CACTIN: variants seen among roughly 807,000 people sequenced by gnomAD.
The protein encoded by CACTIN is splicing factor Cactin.
CACTIN carries 20 observed loss-of-function variants against 84.9 expected under a neutral mutation model. That is an observed-to-expected ratio of 0.24 (90% CI 0.17 to 0.34). The LOEUF (loss-of-function observed/expected upper bound fraction) is 0.34, where lower values mean the gene tolerates loss of function less well. Ranked by LOEUF, CACTIN falls within the 10% of genes least tolerant of loss-of-function variation. The pLI is 1.00. For missense variants in CACTIN, 897 were observed against 1,117.2 expected (o/e 0.80, Z 2.81); for synonymous variants, 549 against 467.9 (o/e 1.17, Z -2.24).
At position 3,623,772 on chromosome 19, in the gene CACTIN, G is replaced by A. The variant is rs1350167410; in HGVS notation, c.558C>T (p.Gly186=). 6.2e-7 allele frequency: 1 copy of A among 1,613,906 alleles called. No homozygotes were observed. The highest frequency in any genetic ancestry group is 1.7e-5 in the Admixed American group (1 of 60,010). ...AKERKKREKM[G]WGEEYMGYTN... is the part of the protein sequence containing the mutation. The stretch of plus-strand genomic sequence containing the variant: ...TGTAGCCCATGTACTCCTCACCCCA[G>A]CCCATCTTCTCCCGCTTCTTGCGCT... Residue 186 remains glycine (G), a synonymous_variant, in exon 2 of 10, where the codon GGC becomes GGT. Coordinates refer to ENST00000429344, the MANE Select transcript of CACTIN (RefSeq NM_001080543.2).
Position 3,623,944 on chromosome 19 carries a change from G to A in CACTIN, c.386C>T (p.Ala129Val), listed in dbSNP as rs201370100. Residue 129 changes from alanine (A) to valine (V), a missense_variant, in exon 2 of 10, where the codon GCG (alanine) becomes GTG (valine). This residue lies in a region of CACTIN where 261 missense variants were observed against 243.8 expected (regional missense o/e 1.07). Coordinates refer to ENST00000429344, the MANE Select transcript of CACTIN (RefSeq NM_001080543.2). ...CTGCTGGCTCAGGGCAGCCGCGGCCGCCCGGGGGCTCTGGGATCGCCCTGG... is the reference window on the plus strand; with the variant it reads ...CTGCTGGCTCAGGGCAGCCGCGGCCACCCGGGGGCTCTGGGATCGCCCTGG... ...ASPGRSQSPRAAAAALSQQQS... is the reference protein window; with the variant it reads ...ASPGRSQSPRVAAAALSQQQS... The A allele has an allele frequency of 1.3e-5, 21 of 1,602,976 alleles. No homozygotes were observed. Among genetic ancestry groups the A allele is most frequent in the Admixed American group, 6.7e-5 (4 of 59,716 alleles).
At chr19:3,621,740 CCAGGAAGGGGT>C (rs1477538071) in intron 2 of CACTIN, among the ~76,000 whole-genome samples, 1 of 152,172 alleles carries the variant, frequency 6.6e-6, no homozygotes. Flanking sequence ...GAGCAAGGGG[CCAGGAAGGGGT>C]CTCTCAAGAG....
At chr19:3,616,349 G>C (rs1000597800) in intron 6 of CACTIN, 1 of 152,222 alleles carries the variant, frequency 6.6e-6, no homozygotes, top group Non-Finnish European at 1.5e-5. Flanking sequence ...GATGGCTCAC[G>C]CCTGTAATCC....
At chr19:3,626,322 C>CGATAT (rs1259950206) in intron 1 of CACTIN, among the ~76,000 whole-genome samples, 2 of 152,222 alleles carry the variant, frequency 1.3e-5, no homozygotes, top group Non-Finnish European at 2.9e-5. Context: ...ACACAGGGCT[C>CGATAT]GATATGATAT....
chr19:3,612,611 G>GTCTTCAT (rs763899563), intron 9 of CACTIN, among the ~76,000 whole-genome samples, 198 bp from the exon 10 acceptor site: 232 of 152,336 alleles, frequency 1.5e-3, no homozygotes, highest in Admixed American at 2.6e-3. Flanking sequence ...CCGGACCTTG[G>GTCTTCAT]TCTTCATGTC....
In CACTIN at chr19:3,610,653, A is replaced by C. The variant is rs1199701575; in HGVS notation, c.*1270T>G. 2.2e-6 allele frequency: 1 copy of C among 451,538 alleles called. No individual in the cohort carries two copies. Among genetic ancestry groups the C allele is most frequent in the Non-Finnish European group, 4.4e-6 (1 of 225,328 alleles). The allele number at this position is 451,538 out of a possible 1,614,324, so 28.0% of individuals were successfully genotyped here. On this transcript the variant is annotated 3_prime_UTR_variant, in exon 10 of 10. Transcript: ENST00000429344. Reference sequence around the variant, plus strand: ...TTTCTGCAAACCTAAGATTATTCTAAAATACAACGTTTATTAAAAAAACAT... The same window carrying C: ...TTTCTGCAAACCTAAGATTATTCTACAATACAACGTTTATTAAAAAAACAT...
intron 1 of CACTIN, among the ~76,000 whole-genome samples, chr19:3,626,176 C>T (rs766078977): frequency 1.3e-5 from 2 of 152,116 alleles, no homozygotes; most frequent in South Asian, 4.1e-4. Context: ...CTCCTGCCTA[C>T]CCCGCTCCAT....
In CACTIN at chr19:3,620,482, G is replaced by A. The variant is rs571005586; in HGVS notation, c.739-210C>T. Reference sequence around the variant, plus strand: ...AGCTCAGATCAGCTGGGGCCCTCTCGGCCACCCTGAAGGGAGCATGTGGGA... The same window carrying A: ...AGCTCAGATCAGCTGGGGCCCTCTCAGCCACCCTGAAGGGAGCATGTGGGA... On this transcript the variant is annotated intron_variant, in intron 3 of 9. Coordinates refer to ENST00000429344, the MANE Select transcript of CACTIN (RefSeq NM_001080543.2). 4.2e-5 allele frequency: 30 copies of A among 713,402 alleles called. 1 individual carries two copies. Among genetic ancestry groups the A allele is most frequent in the South Asian group, 3.5e-4 (22 of 62,298 alleles). The allele number at this position is 713,402 out of a possible 1,614,324, so 44.2% of individuals were successfully genotyped here.
rs1348851903 is a variant in CACTIN, at chr19:3,611,791, A to G, written c.*132T>C. The G allele has an allele frequency of 1.7e-6, 2 of 1,171,976 alleles. No individual in the cohort carries two copies. Among genetic ancestry groups the G allele is most frequent in the Admixed American group, 4.0e-5 (2 of 50,436 alleles). The allele number at this position is 1,171,976 out of a possible 1,614,324, so 72.6% of individuals were successfully genotyped here. On this transcript the variant is annotated 3_prime_UTR_variant, in exon 10 of 10. Coordinates refer to ENST00000429344, the MANE Select transcript of CACTIN (RefSeq NM_001080543.2). Reference sequence around the variant, plus strand: ...GAGGAAACTGAGGCCTGGCGAAAGAAAGATGCGGCCTGAGGTGGGACGTGA... The same window carrying G: ...GAGGAAACTGAGGCCTGGCGAAAGAGAGATGCGGCCTGAGGTGGGACGTGA...
chr19:3,614,783 C>T (rs890470642), intron 6 of CACTIN, 194 bp from the exon 7 acceptor site: 23 of 607,908 alleles, frequency 3.8e-5, no homozygotes, highest in South Asian at 2.9e-4. Flanking sequence ...AGGGGGTGGG[C>T]GGAGGTTGGG....
chr19:3,625,456 G>A (rs893106978), intron 1 of CACTIN, among the ~76,000 whole-genome samples: 2 of 152,188 alleles, frequency 1.3e-5, no homozygotes, highest in African/African-American at 4.8e-5. Context: ...ATGGGCAGGC[G>A]CGGTGGCTCA....
intron 1 of CACTIN, among the ~76,000 whole-genome samples, 171 bp downstream of exon 1, chr19:3,626,425 C>A (rs543909697): frequency 2.8e-4 from 43 of 152,382 alleles, no homozygotes; most frequent in African/African-American, 1.0e-3. Flanking sequence ...ACGCCTCTCG[C>A]CTTCCTTCCG....
chr19:3,623,149 C>T (rs28595894), intron 2 of CACTIN, among the ~76,000 whole-genome samples: 2,877 of 152,162 alleles, frequency 0.019, 48 homozygotes, highest in African/African-American at 0.043. Context: ...GTAGGAGGAT[C>T]GCTTGAGGCC....
chr19:3,612,181 C>A lies in CACTIN; in HGVS notation c.2019G>T (p.Val673=). The change falls in exon 10 of 10, where the codon GTG becomes GTT. Residue 673 remains valine (V), a synonymous_variant. Transcript: ENST00000429344. ...YDFDNPPPKI[V]QGYKFNIFYP... ...AGAAGATGTTGAACTTGTATCCCTGCACGATCTTGGGCGGTGGGTTGTCAA... is the reference window on the plus strand; with the variant it reads ...AGAAGATGTTGAACTTGTATCCCTGAACGATCTTGGGCGGTGGGTTGTCAA... 6.2e-7 allele frequency: 1 copy of A among 1,613,620 alleles called. No homozygotes were observed. The highest frequency in any genetic ancestry group is 2.2e-5 in the East Asian group (1 of 44,884).
intron 2 of CACTIN, 162 bp from the exon 3 acceptor site, chr19:3,620,964 A>G: frequency 2.8e-6 from 2 of 703,950 alleles, no homozygotes; most frequent in Middle Eastern, 2.3e-4. Flanking sequence ...CCTGAAACCC[A>G]GTGCATCCAA....
chr19:3,621,027 G>C (rs2033212847), intron 2 of CACTIN: 1 of 652,088 alleles, frequency 1.5e-6, no homozygotes, highest in East Asian at 2.8e-5. Context: ...CAAAGGGTAA[G>C]AAGGGGCTAC....
rs982895010 is a variant in CACTIN, at chr19:3,615,183, C to G, written c.1163-594G>C. ...GGACAAACAGCTCCCCACCGCCGCC[C>G]CCCATCCTACATGGAGTCTGTCTGG... On this transcript the variant is annotated intron_variant, in intron 6 of 9. Coordinates refer to ENST00000429344, the MANE Select transcript of CACTIN (RefSeq NM_001080543.2). The surrounding 1 kb of genome is among the most constrained non-coding windows in gnomAD (Gnocchi z 5.2). 6.1e-6 allele frequency: 1 copy of G among 163,640 alleles called. No homozygotes were observed. The highest frequency in any genetic ancestry group is 1.3e-5 in the Non-Finnish European group (1 of 74,120). The allele number at this position is 163,640 out of a possible 1,614,324, so 10.1% of individuals were successfully genotyped here. A position where few individuals can be genotyped will look rare whatever the true frequency, so the allele number is the denominator to read the frequency against.
chr19:3,626,782 G>A lies in CACTIN; in HGVS notation c.-20C>T. The A allele has an allele frequency of 4.4e-6, 6 of 1,364,908 alleles. No individual in the cohort carries two copies. The highest frequency in any genetic ancestry group is 3.3e-5 in the South Asian group (2 of 59,844). 84.5% of individuals were successfully genotyped at this position (1,364,908 alleles called of 1,614,324 possible). Reference sequence around the variant, plus strand: ...ACCCATCGGCTGGGCCAGTGGCCGCGGCACCAACACCAATAGCCGAAGCCT... The same window carrying A: ...ACCCATCGGCTGGGCCAGTGGCCGCAGCACCAACACCAATAGCCGAAGCCT... On this transcript the variant is annotated 5_prime_UTR_variant, in exon 1 of 10. Coordinates refer to ENST00000429344, the MANE Select transcript of CACTIN (RefSeq NM_001080543.2).
intron 4 of CACTIN, 145 bp downstream of exon 4, chr19:3,619,982 C>T (rs1055941321): frequency 1.0e-6 from 1 of 974,254 alleles, no homozygotes; most frequent in African/African-American, 1.6e-5. Context: ...AGCCTTGCCG[C>T]CCGGGAAGGG....
Sources: gnomAD v4.1 joint callset for allele counts (sites outside exome capture counted in the v4.1 genomes callset) on GRCh38, gnomAD v4.1.1 for gene constraint, gnomAD v4.1.1 regional missense constraint, Gnocchi (gnomAD v3.1) non-coding constraint, MANE v1.5 for transcripts, NCBI Gene and HGNC (gene_info 2026-07-23, HGNC 2026-07-21) for gene names.